The following DSCAM variants were observed in gnomAD, a reference collection of about 807,000 sequenced individuals.
The protein encoded by DSCAM is DS cell adhesion molecule, also known as cell adhesion molecule DSCAM.
DSCAM carries 47 observed loss-of-function variants against 217.7 expected under a neutral mutation model. That is an observed-to-expected ratio of 0.22 (90% confidence interval 0.17 to 0.28). The LOEUF (loss-of-function observed/expected upper bound fraction) is 0.28. Among genes scored for constraint, DSCAM ranks in the 10% least tolerant of loss-of-function variants. The pLI, the probability that DSCAM is intolerant of heterozygous loss-of-function variation, is 1.00. For synonymous variants in DSCAM, 1,056 were observed against 1,015.3 expected (o/e 1.04, Z -0.76); for missense variants, 2,080 against 2,618.3 (o/e 0.79, Z 4.49).
At chr21:40,592,400 C>T (rs536207383) in intron 3 of DSCAM, among the ~76,000 whole-genome samples, 2 of 152,220 alleles carry the variant, frequency 1.3e-5, no homozygotes, top group South Asian at 4.2e-4. Flanking sequence ...AAATAGGAAG[C>T]AAAAGGTCAA....
chr21:40,112,869 G>T (rs1238564548), intron 20 of DSCAM, among the ~76,000 whole-genome samples: 1 of 152,140 alleles, frequency 6.6e-6, no homozygotes, highest in Non-Finnish European at 1.5e-5. Context: ...AAACCAGAAA[G>T]AAGTTGAATC....
intron 11 of DSCAM, among the ~76,000 whole-genome samples, chr21:40,200,450 G>C (rs2091058563): frequency 6.6e-6 from 1 of 152,122 alleles, no homozygotes. Flanking sequence ...ATCTCCTCAA[G>C]GTTCAGTCAA....
chr21:40,719,728 A>C (rs2146504514), intron 1 of DSCAM, among the ~76,000 whole-genome samples: 1 of 152,330 alleles, frequency 6.6e-6, no homozygotes, highest in South Asian at 2.1e-4. Context: ...TTTATATCAA[A>C]CATCAAAATA....
intron 3 of DSCAM, among the ~76,000 whole-genome samples, chr21:40,618,292 C>T (rs969768598): frequency 6.6e-6 from 1 of 152,192 alleles, no homozygotes; most frequent in African/African-American, 2.4e-5. Context: ...GTAAAATCCA[C>T]TGATGAGCTC....
chr21:40,725,813 T>C (rs2146515827), intron 1 of DSCAM, among the ~76,000 whole-genome samples: 1 of 152,282 alleles, frequency 6.6e-6, no homozygotes, highest in South Asian at 2.1e-4. Context: ...TGCAGCCATT[T>C]ATAAAGCAAG....
chr21:40,787,784 T>A (rs1396042001), intron 1 of DSCAM, among the ~76,000 whole-genome samples: 1 of 151,718 alleles, frequency 6.6e-6, no homozygotes, highest in Non-Finnish European at 1.5e-5. Flanking sequence ...TAAGAGAGTA[T>A]AAGGATCAGA....
chr21:40,244,938 A>G (rs543196664), intron 11 of DSCAM, among the ~76,000 whole-genome samples: 11 of 151,692 alleles, frequency 7.3e-5, no homozygotes, highest in Non-Finnish European at 1.5e-4. Context: ...GCCGACTGCC[A>G]AGGGCTTGAC....
intron 29 of DSCAM, among the ~76,000 whole-genome samples, chr21:40,053,985 A>G (rs1354569957): frequency 6.6e-6 from 1 of 152,262 alleles, no homozygotes; most frequent in Non-Finnish European, 1.5e-5. Context: ...TCTCAGTTAC[A>G]AAAGAAACTT....
chr21:40,516,871 C>A (rs534545256), intron 3 of DSCAM, among the ~76,000 whole-genome samples: 1 of 146,992 alleles, frequency 6.8e-6, no homozygotes, highest in African/African-American at 2.6e-5. Context: ...GATACACACA[C>A]ATGCGCACAC....
intron 11 of DSCAM, among the ~76,000 whole-genome samples, chr21:40,269,524 A>C (rs150977838): frequency 6.6e-6 from 1 of 152,316 alleles, no homozygotes; most frequent in Non-Finnish European, 1.5e-5. Flanking sequence ...CACTGAGTGT[A>C]TGGTGTCCCG....
chr21:40,559,987 G>GT lies in DSCAM; in HGVS notation c.508+132822dup, dbSNP rs1601744914. Among the ~76,000 whole-genome samples, 4 of 151,814 alleles carry GT rather than the reference G, an allele frequency of 2.6e-5. No individual in the cohort carries two copies. In the South Asian group the frequency reaches 8.3e-4, roughly 32 times the overall value. ...TTTTTGTATTTTTAGTAGAGACGGG[G>GT]TTTCACCGTGTTAGCCAGGATGGTC... On this transcript the variant is annotated intron_variant, in intron 3 of 32. Coordinates refer to ENST00000400454, the MANE Select transcript of DSCAM (RefSeq NM_001389.5).
rs893481134 is a variant in DSCAM, at chr21:40,124,204, G to C, written c.3687C>G (p.Pro1229=). 3.5e-5 allele frequency: 57 copies of C among 1,613,922 alleles called. No homozygotes were observed. Among genetic ancestry groups the C allele is most frequent in the Non-Finnish European group, 4.8e-5 (57 of 1,179,994 alleles). ...TTATTTACCAACTTACTGTGGGATA[G>C]GGGTGGGAGCAGAATACAGTGTACT... ...IRKYTVFCSH[P]YPTVISEFEA... Residue 1229 remains proline (P), a synonymous_variant, in exon 20 of 33, where the codon CCC becomes CCG. Transcript: ENST00000400454.
chr21:40,515,180 T>C (rs924469807), intron 3 of DSCAM, among the ~76,000 whole-genome samples: 12 of 152,324 alleles, frequency 7.9e-5, no homozygotes, highest in African/African-American at 2.6e-4. Flanking sequence ...CGAATTCATT[T>C]AAGAAAAAAT....
chr21:40,521,830 CAAA>C (rs1380581103), intron 3 of DSCAM, among the ~76,000 whole-genome samples: 1 of 152,010 alleles, frequency 6.6e-6, no homozygotes, highest in Non-Finnish European at 1.5e-5. Context: ...ACGCACATCT[CAAA>C]ATAGCTGTCA....
intron 11 of DSCAM, among the ~76,000 whole-genome samples, chr21:40,197,800 C>A (rs2091028894): frequency 6.6e-6 from 1 of 152,164 alleles, no homozygotes. Flanking sequence ...TTCTTAATTC[C>A]ATTTACCTAT....
intron 1 of DSCAM, among the ~76,000 whole-genome samples, chr21:40,818,454 G>C (rs574280443): frequency 6.1e-5 from 9 of 146,372 alleles, no homozygotes; most frequent in African/African-American, 2.0e-4. Flanking sequence ...GCTGAGGCAG[G>C]AGAATGGCCT....
intron 1 of DSCAM, among the ~76,000 whole-genome samples, chr21:40,845,823 C>T (rs751889451): frequency 2.0e-5 from 3 of 152,140 alleles, no homozygotes; most frequent in Non-Finnish European, 4.4e-5. Context: ...CATATTTATG[C>T]GGTGACAGGC....
chr21:40,144,710 T>G lies in DSCAM; in HGVS notation c.3040A>C (p.Asn1014His). 1 of 1,614,090 alleles carries G rather than the reference T, an allele frequency of 6.2e-7. No individual in the cohort carries two copies. The highest frequency in any genetic ancestry group is 8.5e-7 in the Non-Finnish European group (1 of 1,180,014). Reference sequence around the variant, plus strand: ...ATTTGGTAGCCACGGATAATCCCATTTTGCAAATGTTTCTTGGGAGCCTAA... The same window carrying G: ...ATTTGGTAGCCACGGATAATCCCATGTTGCAAATGTTTCTTGGGAGCCTAA... ...TWKAPKKHLQ[N>H]GIIRGYQIGY... Residue 1014 changes from asparagine (N) to histidine (H), a missense_variant, in exon 17 of 33, where the codon AAT becomes CAT. Physicochemically the swap from Asn to His is moderately conservative, Grantham distance 68 (BLOSUM62 1). Coordinates refer to ENST00000400454, the MANE Select transcript of DSCAM (RefSeq NM_001389.5). This position sits in a 1 kb window ranked among gnomAD's most constrained non-coding sequence, Gnocchi z 4.8.
chr21:40,458,949 T>TA (rs1225404027), intron 3 of DSCAM, among the ~76,000 whole-genome samples: 1 of 151,582 alleles, frequency 6.6e-6, no homozygotes, highest in Non-Finnish European at 1.5e-5. Context: ...TATATGAGAG[T>TA]AGAACCTAGG....
Sources: allele counts gnomAD v4.1 joint callset (sites outside exome capture counted in the v4.1 genomes callset), GRCh38; gene constraint gnomAD v4.1.1; non-coding constraint Gnocchi (gnomAD v3.1); transcripts MANE v1.5; gene names NCBI Gene and HGNC (gene_info 2026-07-23, HGNC 2026-07-21).